Variants in LCORL observed in about 807,000 individuals in gnomAD.
LCORL encodes ligand-dependent nuclear receptor corepressor-like protein.
In LCORL, 41 loss-of-function variants were observed where a neutral mutation model predicts 141.8. That is an observed-to-expected ratio of 0.29 (90% confidence interval 0.23 to 0.38). The LOEUF (loss-of-function observed/expected upper bound fraction) is 0.38, where lower values mean the gene tolerates loss of function less well. LCORL is among the 10% of genes least tolerant of loss of function. The pLI, the probability that LCORL is intolerant of heterozygous loss-of-function variation, is 1.00. For synonymous variants in LCORL, 618 were observed against 694.1 expected, an observed-to-expected ratio of 0.89 and a Z score of 1.72; for missense variants, 1,759 against 2,035.0, an observed-to-expected ratio of 0.86 and a Z score of 2.61.
chr4:17,982,925 T>C (rs928237096), intron 1 of LCORL, among the ~76,000 whole-genome samples: 3 of 152,232 alleles, frequency 2.0e-5, no homozygotes, highest in African/African-American at 7.2e-5. Flanking sequence ...TTAATCCATC[T>C]TGAGTTAATT....
Position 17,860,379 on chromosome 4 carries a change from C to G in LCORL, c.5602+13009G>C, listed in dbSNP as rs539198178. On this transcript the variant is annotated intron_variant, in intron 7 of 7. Coordinates refer to ENST00000635767, the Ensembl canonical transcript of LCORL. The stretch of plus-strand genomic sequence containing the variant: ...AAGGCATGTCTCACATGGTGGCAGA[C>G]AAGAGAGCTTGTGCTGGAAAACTTC... Among the ~76,000 whole-genome samples the G allele has an allele frequency of 1.2e-4, 18 of 152,296 alleles. No individual in the cohort carries two copies. The South Asian group carries it at 3.5e-3, about 30-fold the overall frequency.
At chr4:17,899,224 CTT>C (rs1560309711) in intron 5 of LCORL, among the ~76,000 whole-genome samples, 1 of 152,020 alleles carries the variant, frequency 6.6e-6, no homozygotes, top group Non-Finnish European at 1.5e-5. Flanking sequence ...CTGCCACTGT[CTT>C]TTGATTTTTC....
chr4:17,909,994 A>G lies in LCORL; in HGVS notation c.431-649T>C, dbSNP rs138506056. Among the ~76,000 whole-genome samples the G allele has an allele frequency of 5.3e-5, 8 of 152,314 alleles. No homozygotes were observed. The East Asian group carries it at 1.5e-3, about 29-fold the overall frequency. On this transcript the variant is annotated intron_variant, in intron 4 of 7. Coordinates refer to ENST00000635767, the Ensembl canonical transcript of LCORL. Reference sequence around the variant, plus strand: ...TTTTTACTTTATTTTTATTTGTAGAACCACTGAAACTGTAGAATAATTACA... The same window carrying G: ...TTTTTACTTTATTTTTATTTGTAGAGCCACTGAAACTGTAGAATAATTACA...
At chr4:17,887,169 A>T (rs1244744059) in intron 5 of LCORL, among the ~76,000 whole-genome samples, 1 of 152,086 alleles carries the variant, frequency 6.6e-6, no homozygotes, top group African/African-American at 2.4e-5. Flanking sequence ...AGACTTCGAC[A>T]ATAATTTATT....
intron 4 of LCORL, among the ~76,000 whole-genome samples, chr4:17,927,724 A>T (rs1481747351): frequency 6.6e-6 from 1 of 152,208 alleles, no homozygotes; most frequent in Admixed American, 6.5e-5. Context: ...TCATCTTCTC[A>T]TATGGGAGTG....
chr4:17,921,891 C>T (rs147779409), intron 4 of LCORL, among the ~76,000 whole-genome samples: 141 of 152,266 alleles, frequency 9.3e-4, no homozygotes, highest in African/African-American at 3.3e-3. Context: ...CCTTCTCTCG[C>T]GCTGGATGCT....
intron 7 of LCORL, among the ~76,000 whole-genome samples, chr4:17,848,100 G>A (rs974319397): frequency 6.6e-6 from 1 of 151,946 alleles, no homozygotes; most frequent in African/African-American, 2.4e-5. Context: ...TTCTAGAATG[G>A]TATAGTATAA....
At chr4:18,018,981 A>G (rs1484297478) in intron 1 of LCORL, among the ~76,000 whole-genome samples, 1 of 152,254 alleles carries the variant, frequency 6.6e-6, no homozygotes, top group Non-Finnish European at 1.5e-5. Flanking sequence ...TGTAAGGCAC[A>G]TTAATAGCAA....
intron 7 of LCORL, among the ~76,000 whole-genome samples, chr4:17,859,411 G>C (rs1724739670): frequency 6.6e-6 from 1 of 152,012 alleles, no homozygotes; most frequent in South Asian, 2.1e-4. Context: ...TCCATATTCA[G>C]GAAAAATATA....
chr4:17,926,729 C>G (rs1015972875), intron 4 of LCORL, among the ~76,000 whole-genome samples: 39 of 152,222 alleles, frequency 2.6e-4, no homozygotes, highest in African/African-American at 8.9e-4. Context: ...TAGTCCTGTC[C>G]TTTTAGTGAA....
At chr4:17,902,792 A>G (rs1054836580) in intron 5 of LCORL, among the ~76,000 whole-genome samples, 27 of 152,088 alleles carry the variant, frequency 1.8e-4, no homozygotes, top group African/African-American at 5.6e-4. Context: ...AGTCCTATAC[A>G]TAATTTGTTA....
intron 5 of LCORL, among the ~76,000 whole-genome samples, chr4:17,906,688 C>CTTTTT (rs36083281): frequency 7.5e-6 from 1 of 134,018 alleles, no homozygotes; most frequent in Non-Finnish European, 1.6e-5. Flanking sequence ...TTTAAAATGC[C>CTTTTT]TTTTTTTTTT....
intron 1 of LCORL, among the ~76,000 whole-genome samples, chr4:18,005,670 C>G (rs1722675741): frequency 6.6e-6 from 1 of 152,214 alleles, no homozygotes; most frequent in African/African-American, 2.4e-5. Context: ...AGGCTCAACA[C>G]CAGGTGGAAG....
At chr4:17,931,857 C>A (rs1038721159) in intron 4 of LCORL, among the ~76,000 whole-genome samples, 1 of 152,048 alleles carries the variant, frequency 6.6e-6, no homozygotes. Flanking sequence ...TCCTTACTTA[C>A]TTTAGATTCA....
chr4:17,950,658 C>T (rs968878942), intron 4 of LCORL, among the ~76,000 whole-genome samples: 5 of 152,090 alleles, frequency 3.3e-5, no homozygotes, highest in Non-Finnish European at 7.4e-5. Context: ...AAAAGTCTTA[C>T]ATCTTGCTAA....
chr4:17,868,612 A>G (rs1560269507), intron 7 of LCORL, among the ~76,000 whole-genome samples: 1 of 152,120 alleles, frequency 6.6e-6, no homozygotes, highest in African/African-American at 2.4e-5. Context: ...TACCATCTCA[A>G]AAATCATCTC....
At chr4:17,971,729 C>A (rs1715982192) in intron 2 of LCORL, among the ~76,000 whole-genome samples, 1 of 151,634 alleles carries the variant, frequency 6.6e-6, no homozygotes, top group African/African-American at 2.4e-5. Flanking sequence ...ATTAAAAATA[C>A]TTTCAATCTG....
rs533324140 is a variant in LCORL at position 17,877,750 on chromosome 4, G to A, written c.1240C>T (p.Arg414Cys). 4.5e-5 allele frequency: 55 copies of A among 1,230,588 alleles called. No homozygotes were observed. The South Asian group carries it at 1.6e-3, about 36-fold the overall frequency. 76.2% of individuals were successfully genotyped at this position (1,230,588 alleles called of 1,614,324 possible). The stretch of plus-strand genomic sequence containing the variant: ...ACTTCCTTTGACAAAAGAGGACTAC[G>A]AAAGGCTGATTTTGTAGAGTGAATG... Residue 414 changes from arginine (R) to cysteine (C), a missense_variant, in exon 7 of 8, where the codon CGT (arginine) becomes TGT (cysteine). Physicochemically the swap from Arg to Cys is radical, Grantham distance 180. This residue lies in a region of LCORL where 1,311 missense variants were observed against 1,531.3 expected (regional missense o/e 0.86). Coordinates refer to ENST00000635767, the Ensembl canonical transcript of LCORL.
intron 4 of LCORL, among the ~76,000 whole-genome samples, chr4:17,939,031 T>A (rs917483405): frequency 6.6e-6 from 1 of 152,182 alleles, no homozygotes; most frequent in Admixed American, 6.5e-5. Context: ...ACATTAGTAA[T>A]TATCTGACAA....
Sources: allele counts gnomAD v4.1 joint callset (sites outside exome capture counted in the v4.1 genomes callset), GRCh38; gene constraint gnomAD v4.1.1; regional missense constraint gnomAD v4.1.1; transcripts MANE v1.5; gene names NCBI Gene and HGNC (gene_info 2026-07-23, HGNC 2026-07-21).